The following CHD6 variants were observed in gnomAD, a reference collection of about 807,000 sequenced individuals.
CHD6 encodes chromodomain helicase DNA binding protein 6, also known as ATP-dependent chromatin remodeler CHD6.
A neutral mutation model predicts 276.9 loss-of-function variants in CHD6; 50 were observed. The observed-to-expected ratio is 0.18, with a 90% CI of 0.14 to 0.23. The LOEUF (loss-of-function observed/expected upper bound fraction) is 0.23. CHD6 is among the 10% of genes least tolerant of loss of function. CHD6 has a pLI of 1.00. For missense variants in CHD6, 2,564 were observed against 3,365.8 expected, an observed-to-expected ratio of 0.76 and a Z score of 5.89; for synonymous variants, 1,173 against 1,229.3, an observed-to-expected ratio of 0.95 and a Z score of 0.96.
chr20:41,455,460 G>C (rs753972600), intron 19 of CHD6, among the ~76,000 whole-genome samples: 2 of 152,198 alleles, frequency 1.3e-5, no homozygotes, highest in Non-Finnish European at 2.9e-5. Flanking sequence ...CTCTCTATCA[G>C]TGATCAAGAA....
chr20:41,538,897 T>A (rs562222244), intron 2 of CHD6, among the ~76,000 whole-genome samples: 1 of 152,264 alleles, frequency 6.6e-6, no homozygotes, highest in East Asian at 1.9e-4. Context: ...CTCAAGGTGG[T>A]CAATCCAGAT....
At chr20:41,482,989 CATT>C (rs1287554681) in intron 16 of CHD6, among the ~76,000 whole-genome samples, 11 of 152,006 alleles carry the variant, frequency 7.2e-5, no homozygotes, top group Admixed American at 2.0e-4. Flanking sequence ...AATGTAAATA[CATT>C]ATTTTCTTAG....
chr20:41,596,453 C>T (rs995691351), intron 1 of CHD6, among the ~76,000 whole-genome samples: 6 of 151,890 alleles, frequency 4.0e-5, no homozygotes, highest in Non-Finnish European at 7.4e-5. Flanking sequence ...ATTCTCTTTT[C>T]GAGGGAGGAA....
intron 17 of CHD6, among the ~76,000 whole-genome samples, chr20:41,469,710 T>C (rs928507917): frequency 2.0e-5 from 3 of 152,170 alleles, no homozygotes; most frequent in Non-Finnish European, 2.9e-5. Context: ...TGTACACACA[T>C]TGATGCGAAT....
At chr20:41,575,449 A>G (rs537393459) in intron 1 of CHD6, among the ~76,000 whole-genome samples, 24 of 152,314 alleles carry the variant, frequency 1.6e-4, no homozygotes, top group South Asian at 1.5e-3. Context: ...CTTTCTTCAC[A>G]TATGCACCTG....
chr20:41,477,157 C>T (rs556754969), intron 16 of CHD6, among the ~76,000 whole-genome samples: 1 of 152,218 alleles, frequency 6.6e-6, no homozygotes, highest in South Asian at 2.1e-4. Context: ...GGGAGGATTG[C>T]TTGGGCCCAT....
chr20:41,476,980 T>C (rs893900764), intron 16 of CHD6, among the ~76,000 whole-genome samples: 2 of 152,050 alleles, frequency 1.3e-5, no homozygotes, highest in Admixed American at 6.6e-5. Flanking sequence ...CTCACTCTTG[T>C]AACCCCAGCA....
At chr20:41,410,388 T>A (rs1205055272) in intron 36 of CHD6, among the ~76,000 whole-genome samples, 4 of 152,206 alleles carry the variant, frequency 2.6e-5, no homozygotes, top group African/African-American at 9.6e-5. Flanking sequence ...TGCCTTGACC[T>A]TGGACATTTG....
intron 5 of CHD6, among the ~76,000 whole-genome samples, chr20:41,500,211 G>A (rs1378096093): frequency 1.3e-5 from 2 of 152,104 alleles, no homozygotes; most frequent in African/African-American, 4.8e-5. Flanking sequence ...TCACAACAAT[G>A]AAACTGCCAA....
chr20:41,484,482 C>T lies in CHD6; in HGVS notation c.2127G>A (p.Lys709=). Residue 709 remains lysine (K), a synonymous_variant, in exon 15 of 37, where the codon AAG becomes AAA. Transcript: ENST00000373233. ...TCTTCTCGAGGATGGCACGGTAGTA[C>T]TTTTTCTGGATATTGGTCAGTTCCA... is the stretch of plus-strand genomic sequence containing the variant. ...IEVELTNIQK[K]YYRAILEKNF... 1 of 1,613,864 alleles carries T rather than the reference C, an allele frequency of 6.2e-7. No homozygotes were observed. Among genetic ancestry groups the T allele is most frequent in the Non-Finnish European group, 8.5e-7 (1 of 1,179,846 alleles).
At chr20:41,512,780 C>T (rs2044152014) in intron 5 of CHD6, 66 bp downstream of exon 5, 1 of 1,579,000 alleles carries the variant, frequency 6.3e-7, no homozygotes, top group Non-Finnish European at 8.7e-7. Flanking sequence ...GGCCAAGAAA[C>T]ACGTCTGTCA....
At chr20:41,498,127 A>G in intron 7 of CHD6, 41 bp downstream of exon 7, 1 of 1,409,406 alleles carries the variant, frequency 7.1e-7, no homozygotes. Context: ...AGTTTTATTC[A>G]TATAAAACCC....
rs2043610599 is a variant in CHD6 at position 41,493,684 on chromosome 20, A to T, written c.1180-12T>A. 1 of 1,612,768 alleles carries T rather than the reference A, an allele frequency of 6.2e-7. No homozygotes were observed. Among genetic ancestry groups the T allele is most frequent in the South Asian group, 1.1e-5 (1 of 90,840 alleles). On this transcript the variant is annotated splice_polypyrimidine_tract_variant and intron_variant, in intron 9 of 36. Coordinates refer to ENST00000373233, the MANE Select transcript of CHD6 (RefSeq NM_032221.5). ...TAATGTGTTACCTCCTGGTGGGAAA[A>T]CAGGAAAGAAACTTAATGTTCTATT...
At chr20:41,560,492 C>T (rs941183415) in intron 1 of CHD6, among the ~76,000 whole-genome samples, 2 of 152,192 alleles carry the variant, frequency 1.3e-5, no homozygotes, top group African/African-American at 4.8e-5. Context: ...GTGATAGGCA[C>T]TAAACTAAAG....
intron 36 of CHD6, among the ~76,000 whole-genome samples, chr20:41,408,284 G>A (rs1186088040): frequency 1.3e-5 from 2 of 152,110 alleles, no homozygotes; most frequent in Non-Finnish European, 2.9e-5. Flanking sequence ...CACAGGCCCT[G>A]TGGTTCCCAG....
In CHD6 at chr20:41,402,492, G is replaced by A. The variant is rs2046562123; in HGVS notation, c.*2101C>T. The A allele has an allele frequency of 8.7e-6, 2 of 230,954 alleles. No homozygotes were observed. Among genetic ancestry groups the A allele is most frequent in the Non-Finnish European group, 1.7e-5 (2 of 116,666 alleles). 14.3% of individuals were successfully genotyped at this position (230,954 alleles called of 1,614,324 possible). Reference sequence around the variant, plus strand: ...AGGTTATAAGTGGAACCCGGGGAAAGCAGCTTTTCCATACAAAACAACAAC... The same window carrying A: ...AGGTTATAAGTGGAACCCGGGGAAAACAGCTTTTCCATACAAAACAACAAC... On this transcript the variant is annotated 3_prime_UTR_variant, in exon 37 of 37. Coordinates refer to ENST00000373233, the MANE Select transcript of CHD6 (RefSeq NM_032221.5).
Position 41,447,918 on chromosome 20 carries a change from T to A in CHD6, c.3737A>T (p.Glu1246Val). 6.2e-7 allele frequency: 1 copy of A among 1,612,302 alleles called. No homozygotes were observed. The part of the protein sequence containing the change: ...LYYLKAEILG[E>V]AAEKAFEGSP... Reference sequence around the variant, plus strand: ...TCCTTCAAATGCTTTCTCAGCTGCTTCTCCCAGTATTTCAGCTTTTAGGTA... The same window carrying A: ...TCCTTCAAATGCTTTCTCAGCTGCTACTCCCAGTATTTCAGCTTTTAGGTA... Residue 1246 changes from glutamate (E) to valine (V), a missense_variant, in exon 24 of 37, where the codon GAA becomes GTA. Physicochemically the swap from Glu to Val is moderately radical, Grantham distance 121 (BLOSUM62 -2). Coordinates refer to ENST00000373233, the MANE Select transcript of CHD6 (RefSeq NM_032221.5).
chr20:41,571,480 C>T (rs1414651697), intron 1 of CHD6, among the ~76,000 whole-genome samples: 1 of 150,998 alleles, frequency 6.6e-6, no homozygotes, highest in Non-Finnish European at 1.5e-5. Context: ...GCACCCTCCA[C>T]CTCCCGGTTC....
intron 1 of CHD6, among the ~76,000 whole-genome samples, chr20:41,570,339 A>G (rs1342971734): frequency 6.6e-6 from 1 of 152,238 alleles, no homozygotes; most frequent in Non-Finnish European, 1.5e-5. Context: ...GGCAGCCCTC[A>G]AAGAGAGGAA....
Sources: allele counts gnomAD v4.1 joint callset (sites outside exome capture counted in the v4.1 genomes callset), GRCh38; gene constraint gnomAD v4.1.1; transcripts MANE v1.5; gene names NCBI Gene and HGNC (gene_info 2026-07-23, HGNC 2026-07-21).